Variants in PHACTR2 observed in about 807,000 individuals in gnomAD.
The protein encoded by PHACTR2 is phosphatase and actin regulator 2, also known as chromosome 6 open reading frame 56.
A neutral mutation model predicts 76.0 loss-of-function variants in PHACTR2; 30 were observed. The ratio of observed to expected loss-of-function variants is 0.39; its 90% CI spans 0.30 to 0.54. The LOEUF (loss-of-function observed/expected upper bound fraction) is 0.54. Among genes scored for constraint, PHACTR2 ranks in the 20% least tolerant of loss-of-function variants. The pLI, the probability that PHACTR2 is intolerant of heterozygous loss-of-function variation, is 0.61. For synonymous variants in PHACTR2, 292 were observed against 292.5 expected (o/e 1.00, Z 0.02); for missense variants, 696 against 781.1 (o/e 0.89, Z 1.30).
chr6:143,716,250 A>G (rs1401630880), intron 2 of PHACTR2, among the ~76,000 whole-genome samples: 1 of 152,248 alleles, frequency 6.6e-6, no homozygotes, highest in Non-Finnish European at 1.5e-5. Flanking sequence ...GAGCAGTATT[A>G]GAAAATTCAG....
rs1287632697 is a variant in PHACTR2, at chr6:143,633,479, T to G, written c.13+25157T>G. On this transcript the variant is annotated intron_variant, in intron 1 of 11. Transcript: ENST00000305766. The surrounding 1 kb of genome is among the most constrained non-coding windows in gnomAD (Gnocchi z 4.1). ...ACCTTCTGTTCAGGTCTTTTGTCCA[T>G]TTTTAAATTGGATTCTTCATTCCCT... Among the ~76,000 whole-genome samples the G allele has an allele frequency of 6.6e-6, 1 of 152,212 alleles. No homozygotes were observed. Among genetic ancestry groups the G allele is most frequent in the Non-Finnish European group, 1.5e-5 (1 of 68,026 alleles).
At chr6:143,690,532 G>A (rs1777620384) in intron 1 of PHACTR2, among the ~76,000 whole-genome samples, 1 of 152,164 alleles carries the variant, frequency 6.6e-6, no homozygotes, top group Non-Finnish European at 1.5e-5. Flanking sequence ...CTGGCTTCAT[G>A]CTTGGTCGAG....
chr6:143,576,661 G>A (rs1284834938), intron 1 of PHACTR2, among the ~76,000 whole-genome samples: 1 of 152,100 alleles, frequency 6.6e-6, no homozygotes, highest in East Asian at 1.9e-4. Flanking sequence ...TGGATCACTT[G>A]AGGTCAGGAG....
intron 1 of PHACTR2, among the ~76,000 whole-genome samples, chr6:143,560,752 G>A (rs762884009): frequency 1.7e-3 from 266 of 152,116 alleles, no homozygotes; most frequent in Non-Finnish European, 2.0e-3. Context: ...GTGCTCGCTG[G>A]GGAGGGAGCG....
chr6:143,693,944 C>T (rs891932975), intron 1 of PHACTR2, among the ~76,000 whole-genome samples: 2 of 152,072 alleles, frequency 1.3e-5, no homozygotes, highest in African/African-American at 4.8e-5. Flanking sequence ...TGGTGTGCAC[C>T]TCTAGTCCCA....
intron 1 of PHACTR2, among the ~76,000 whole-genome samples, chr6:143,601,719 C>A (rs755859511): frequency 6.6e-6 from 1 of 152,154 alleles, no homozygotes; most frequent in South Asian, 2.1e-4. Context: ...TCCTGGGTCC[C>A]AGATGGTCCT....
intron 1 of PHACTR2, among the ~76,000 whole-genome samples, chr6:143,667,253 C>T (rs1288199141): frequency 1.3e-5 from 2 of 152,134 alleles, no homozygotes; most frequent in African/African-American, 4.8e-5. Flanking sequence ...GTTTTGGTAC[C>T]AGTACCATGC....
At chr6:143,674,805 A>G (rs1254228269), upstream of PHACTR2, among the ~76,000 whole-genome samples, 1 of 152,198 alleles carries the variant, frequency 6.6e-6, no homozygotes, top group Non-Finnish European at 1.5e-5. The surrounding 1 kb of genome is among the most constrained non-coding windows in gnomAD (Gnocchi z 4.9). Flanking sequence ...ATCTGGCAGT[A>G]ACCTAAGTTA....
chr6:143,616,583 G>A lies in PHACTR2; in HGVS notation c.13+8261G>A, dbSNP rs1015113879. ...GTGATGTTTCCTGGTCACCCACTCT[G>A]TGCCACGCAATGTCCTAGTTAGTGT... On this transcript the variant is annotated intron_variant, in intron 1 of 11. Transcript: ENST00000305766. This position sits in a 1 kb window ranked among gnomAD's most constrained non-coding sequence, Gnocchi z 4.9. 6.6e-6 allele frequency among the ~76,000 whole-genome samples: 1 copy of A among 152,228 alleles called. No homozygotes were observed.
chr6:143,714,382 T>C (rs1778254643), intron 2 of PHACTR2, among the ~76,000 whole-genome samples: 1 of 152,262 alleles, frequency 6.6e-6, no homozygotes, highest in African/African-American at 2.4e-5. Flanking sequence ...GTTTCTGTTA[T>C]AGGAATTCTT....
intron 2 of PHACTR2, among the ~76,000 whole-genome samples, chr6:143,728,530 C>T (rs1778629587): frequency 6.6e-6 from 1 of 152,086 alleles, no homozygotes; most frequent in Non-Finnish European, 1.5e-5. Context: ...ACAGCCAAAG[C>T]AATCCTGAGC....
rs1554231967 is a variant in PHACTR2 at position 143,827,145 on chromosome 6, T to TACAAAAGAAAA, written c.*3457_*3458insCAAAAGAAAAA. 1 of 65,018 alleles carries TACAAAAGAAAA rather than the reference T, an allele frequency of 1.5e-5. No homozygotes were observed. The highest frequency in any genetic ancestry group is 5.5e-5 in the African/African-American group (1 of 18,186). 4.0% of individuals were successfully genotyped at this position (65,018 alleles called of 1,614,324 possible). A position where few individuals can be genotyped will look rare whatever the true frequency, so the allele number is the denominator to read the frequency against. On this transcript the variant is annotated 3_prime_UTR_variant, in exon 13 of 13. Coordinates refer to ENST00000440869, the MANE Select transcript of PHACTR2 (RefSeq NM_001100164.2). Reference sequence around the variant, plus strand: ...AATTAATTCAGGGCTGCGTTGGCATTAAAAAAGAAAATATATATATATATA... The same window carrying TACAAAAGAAAA: ...AATTAATTCAGGGCTGCGTTGGCATTACAAAAGAAAAAAAAAAGAAAATATATATATATATA...
intron 11 of PHACTR2, among the ~76,000 whole-genome samples, chr6:143,792,773 G>A (rs1044380992): frequency 1.3e-5 from 2 of 152,152 alleles, no homozygotes; most frequent in Non-Finnish European, 2.9e-5. Context: ...GGCCTCTTCA[G>A]CATGGTGGCC....
chr6:143,738,377 A>G lies in PHACTR2; in HGVS notation c.215-10608A>G, dbSNP rs925539318. Among the ~76,000 whole-genome samples, 10 of 151,686 alleles carry G rather than the reference A, an allele frequency of 6.6e-5. No individual in the cohort carries two copies. The highest frequency in any genetic ancestry group is 2.4e-4 in the African/African-American group (10 of 41,334). ...AACAAAACAAAACAAAAGATTATAC[A>G]TTTTTTTTCATGACCCCCCTGAAAA... On this transcript the variant is annotated intron_variant, in intron 2 of 12. Coordinates refer to ENST00000440869, the MANE Select transcript of PHACTR2 (RefSeq NM_001100164.2). The surrounding 1 kb of genome is among the most constrained non-coding windows in gnomAD (Gnocchi z 4.0).
At chr6:143,542,074 C>T (rs920297429) in intron 1 of PHACTR2, among the ~76,000 whole-genome samples, 1 of 152,200 alleles carries the variant, frequency 6.6e-6, no homozygotes, top group Admixed American at 6.5e-5. Context: ...TTCTGTCTCT[C>T]CCTGGTCAGG....
chr6:143,718,713 A>G (rs773450722), intron 2 of PHACTR2, among the ~76,000 whole-genome samples: 7 of 152,168 alleles, frequency 4.6e-5, no homozygotes, highest in Non-Finnish European at 1.0e-4. Context: ...ATAGAGACCT[A>G]ATGTTGCTAT....
intron 2 of PHACTR2, among the ~76,000 whole-genome samples, chr6:143,724,822 CCT>C (rs1337805803): frequency 6.6e-6 from 1 of 152,196 alleles, no homozygotes; most frequent in African/African-American, 2.4e-5. Context: ...TCCTGCCTTG[CCT>C]CTCTCTTTGG....
intron 1 of PHACTR2, among the ~76,000 whole-genome samples, chr6:143,545,562 C>T (rs1221371285): frequency 1.2e-4 from 19 of 152,192 alleles, no homozygotes; most frequent in Admixed American, 1.2e-3. Context: ...AGTGTATCAG[C>T]TCCTTTTTTC....
rs1011437142 is a variant in PHACTR2, at chr6:143,806,712, G to T, written c.1846-345G>T. ...CTCATGCCTGTAATTTCAGCACTTT[G>T]AGAAACTGAGGTGAGAGGATCACTT... On this transcript the variant is annotated intron_variant, in intron 11 of 12. Transcript: ENST00000440869. This position sits in a 1 kb window ranked among gnomAD's most constrained non-coding sequence, Gnocchi z 5.8. Among the ~76,000 whole-genome samples the T allele has an allele frequency of 1.3e-5, 2 of 152,178 alleles. No individual in the cohort carries two copies. Among genetic ancestry groups the T allele is most frequent in the Admixed American group, 1.3e-4 (2 of 15,278 alleles).
Sources: allele counts gnomAD v4.1 joint callset (sites outside exome capture counted in the v4.1 genomes callset), GRCh38; gene constraint gnomAD v4.1.1; non-coding constraint Gnocchi (gnomAD v3.1); transcripts MANE v1.5; gene names NCBI Gene and HGNC (gene_info 2026-07-23, HGNC 2026-07-21).